The following DSCAM variants were observed in gnomAD, a reference collection of about 807,000 sequenced individuals.
DSCAM encodes the protein DS cell adhesion molecule, also known as cell adhesion molecule DSCAM.
DSCAM carries 47 observed loss-of-function variants against 217.7 expected under a neutral mutation model. The observed-to-expected ratio is 0.22, with a 90% CI of 0.17 to 0.28. The LOEUF (loss-of-function observed/expected upper bound fraction) is 0.28, where lower values mean the gene tolerates loss of function less well. Ranked by LOEUF, DSCAM falls within the 10% of genes least tolerant of loss-of-function variation. DSCAM has a pLI of 1.00. For synonymous variants in DSCAM, 1,056 were observed against 1,015.3 expected (o/e 1.04, Z -0.76); for missense variants, 2,080 against 2,618.3 (o/e 0.79, Z 4.49).
intron 3 of DSCAM, among the ~76,000 whole-genome samples, chr21:40,679,589 C>T (rs1245992423): frequency 2.6e-5 from 4 of 152,130 alleles, no homozygotes; most frequent in African/African-American, 4.8e-5. Flanking sequence ...CTGACATGTG[C>T]TACAAGTATT....
At chr21:40,520,228 A>G (rs2076348082) in intron 3 of DSCAM, among the ~76,000 whole-genome samples, 2 of 152,192 alleles carry the variant, frequency 1.3e-5, no homozygotes, top group South Asian at 2.1e-4. Context: ...TTGGTGGTAT[A>G]CTTACTTGCT....
chr21:40,631,862 T>TG (rs59202632), intron 3 of DSCAM, among the ~76,000 whole-genome samples: 1,545 of 152,150 alleles, frequency 0.01, 22 homozygotes, highest in African/African-American at 0.034. Flanking sequence ...GAAGGAAAAA[T>TG]AAAGGGTGAT....
intron 11 of DSCAM, among the ~76,000 whole-genome samples, chr21:40,261,096 T>A (rs1189415106): frequency 2.0e-5 from 3 of 152,194 alleles, no homozygotes; most frequent in Admixed American, 2.0e-4. Context: ...TGACCAAACA[T>A]CTGTTCTTTT....
At chr21:40,808,562 C>T (rs1262798277) in intron 1 of DSCAM, among the ~76,000 whole-genome samples, 2 of 150,600 alleles carry the variant, frequency 1.3e-5, no homozygotes, top group Non-Finnish European at 2.9e-5. Flanking sequence ...CAGCCTCAAT[C>T]TCCTGGGCTC....
intron 3 of DSCAM, among the ~76,000 whole-genome samples, chr21:40,601,210 GTTT>G (rs1191049260): frequency 1.3e-5 from 2 of 152,110 alleles, no homozygotes; most frequent in Admixed American, 1.3e-4. Context: ...GAGTTTTGTA[GTTT>G]TCTTCATGTA....
At chr21:40,313,524 T>C (rs2074163218) in intron 8 of DSCAM, among the ~76,000 whole-genome samples, 1 of 152,022 alleles carries the variant, frequency 6.6e-6, no homozygotes, top group African/African-American at 2.4e-5. Context: ...ATAGTTAAAA[T>C]GGAGTCAGAT....
chr21:40,344,981 T>C (rs1317451028), intron 6 of DSCAM, among the ~76,000 whole-genome samples: 1 of 152,336 alleles, frequency 6.6e-6, no homozygotes, highest in East Asian at 1.9e-4. Context: ...CTCTCCATGC[T>C]TCAGATTGAA....
chr21:40,467,284 A>C (rs962946412), intron 3 of DSCAM, among the ~76,000 whole-genome samples: 4 of 152,240 alleles, frequency 2.6e-5, no homozygotes, highest in African/African-American at 9.6e-5. Context: ...CACTGTGCAT[A>C]TACACAATGA....
chr21:40,139,430 G>A (rs966718121), intron 18 of DSCAM, among the ~76,000 whole-genome samples: 1 of 151,970 alleles, frequency 6.6e-6, no homozygotes, highest in Non-Finnish European at 1.5e-5. Context: ...AGCGGGGAGG[G>A]GACTTACAGG....
chr21:40,454,515 T>C (rs2075747698), intron 3 of DSCAM, among the ~76,000 whole-genome samples: 1 of 152,150 alleles, frequency 6.6e-6, no homozygotes, highest in South Asian at 2.1e-4. Flanking sequence ...AGGCACTATA[T>C]AGAACAGAAA....
intron 27 of DSCAM, among the ~76,000 whole-genome samples, chr21:40,069,761 A>G (rs890063502): frequency 7.9e-5 from 12 of 152,216 alleles, no homozygotes; most frequent in South Asian, 6.2e-4. Flanking sequence ...AAATAGTCTC[A>G]TAAAGTAGCT....
intron 11 of DSCAM, among the ~76,000 whole-genome samples, chr21:40,246,291 T>C (rs759564966): frequency 1.0e-4 from 13 of 126,196 alleles, no homozygotes; most frequent in Non-Finnish European, 1.9e-4. Flanking sequence ...CCAAGGCAGG[T>C]GAATCAAATG....
intron 16 of DSCAM, among the ~76,000 whole-genome samples, chr21:40,145,132 C>T (rs1297260558): frequency 6.6e-6 from 1 of 152,166 alleles, no homozygotes; most frequent in Non-Finnish European, 1.5e-5. Context: ...GTGGCGTCTC[C>T]AGGTACGCTT....
At chr21:40,161,505 A>T (rs9305692) in intron 16 of DSCAM, among the ~76,000 whole-genome samples, 90,384 of 152,024 alleles carry the variant, frequency 0.59, 28,848 homozygotes, top group African/African-American at 0.84. Flanking sequence ...AACGCATATT[A>T]ATTGCACTCC....
intron 3 of DSCAM, among the ~76,000 whole-genome samples, chr21:40,674,743 C>A (rs1477427714): frequency 6.7e-6 from 1 of 149,518 alleles, no homozygotes; most frequent in Non-Finnish European, 1.5e-5. Context: ...TGGCATTCTC[C>A]TGCCTCAGCC....
intron 16 of DSCAM, among the ~76,000 whole-genome samples, chr21:40,145,454 G>A (rs1429102339): frequency 2.0e-5 from 3 of 152,120 alleles, no homozygotes; most frequent in Non-Finnish European, 4.4e-5. Context: ...AGAGAGGCTG[G>A]TGCTAACTCC....
intron 1 of DSCAM, among the ~76,000 whole-genome samples, chr21:40,826,599 A>T (rs1440091436): frequency 6.6e-6 from 1 of 152,256 alleles, no homozygotes; most frequent in Non-Finnish European, 1.5e-5. Context: ...AAGGTAGAAG[A>T]AATGGTCAGA....
intron 1 of DSCAM, among the ~76,000 whole-genome samples, chr21:40,833,726 T>C (rs2092030748): frequency 2.0e-5 from 3 of 152,202 alleles, no homozygotes; most frequent in African/African-American, 7.2e-5. Flanking sequence ...CTGAGATTCA[T>C]GACATTTTCC....
At chr21:40,301,467 T>G (rs931350374) in intron 9 of DSCAM, among the ~76,000 whole-genome samples, 1 of 152,340 alleles carries the variant, frequency 6.6e-6, no homozygotes, top group South Asian at 2.1e-4. Context: ...CACAGGCTTC[T>G]TCATGTCTGT....
Sources: allele counts gnomAD v4.1 joint callset (sites outside exome capture counted in the v4.1 genomes callset), GRCh38; gene constraint gnomAD v4.1.1; transcripts MANE v1.5; gene names NCBI Gene and HGNC (gene_info 2026-07-23, HGNC 2026-07-21).